The following FKBP14 variants were observed in gnomAD, a reference collection of about 807,000 sequenced individuals.
FKBP14 encodes the protein FKBP prolyl isomerase 14.
Under a neutral mutation model 21.6 loss-of-function variants are expected in FKBP14, and 20 were observed. That is an observed-to-expected ratio of 0.92 (90% CI 0.65 to 1.34). The LOEUF (loss-of-function observed/expected upper bound fraction) is 1.34, where lower values mean the gene tolerates loss of function less well. Among genes scored for constraint, FKBP14 ranks in the 40% most tolerant of loss-of-function variants. The probability of loss-of-function intolerance (pLI) is 0.00; values close to 1 mark genes in which losing one functional copy is unlikely to be tolerated. For synonymous variants in FKBP14, 79 were observed against 86.7 expected, an observed-to-expected ratio of 0.91 and a Z score of 0.49; for missense variants, 253 against 249.0, an observed-to-expected ratio of 1.02 and a Z score of -0.11.
At chr7:30,018,927 A>G in intron 3 of FKBP14, 69 bp downstream of exon 3, 1 of 1,529,268 alleles carries the variant, frequency 6.5e-7, no homozygotes, top group Non-Finnish European at 8.8e-7. Context: ...AGTTACAAAA[A>G]CAAAACAAAA....
intron 1 of FKBP14, among the ~76,000 whole-genome samples, 177 bp from the exon 2 acceptor site, chr7:30,022,993 A>G (rs1790076783): frequency 6.6e-6 from 1 of 152,258 alleles, no homozygotes; most frequent in Admixed American, 6.5e-5. Context: ...AATTCAATTC[A>G]CTGCCCATCT....
chr7:30,024,735 C>T (rs899217229), intron 1 of FKBP14, among the ~76,000 whole-genome samples: 2 of 152,214 alleles, frequency 1.3e-5, no homozygotes, highest in Non-Finnish European at 2.9e-5. Flanking sequence ...CAGTTAGCAG[C>T]TTCTGACCAT....
At chr7:30,017,578 A>C (rs1036599452) in intron 3 of FKBP14, among the ~76,000 whole-genome samples, 1 of 151,960 alleles carries the variant, frequency 6.6e-6, no homozygotes, top group Non-Finnish European at 1.5e-5. Flanking sequence ...AAAAAAAAAA[A>C]AACAGTAAAT....
At position 30,014,784 on chromosome 7, in the gene FKBP14, T is replaced by C. The variant is rs1419685247; in HGVS notation, c.587A>G (p.Asp196Gly). Reference sequence around the variant, plus strand: ...AAATTCTCTGGCAGATATAAACCCATCTTTGTCTTCATCTTCTTTATCAAA... The same window carrying C: ...AAATTCTCTGGCAGATATAAACCCACCTTTGTCTTCATCTTCTTTATCAAA... ...DIFDKEDEDK[D>G]GFISAREFTY... The change falls in exon 4 of 4, where the codon GAT (aspartate) becomes GGT (glycine). Residue 196 changes from aspartate to glycine, a missense_variant. Physicochemically the swap from Asp to Gly is moderately conservative, Grantham distance 94. Transcript: ENST00000222803. 3.7e-6 allele frequency: 6 copies of C among 1,611,620 alleles called. No homozygotes were observed. In the South Asian group the frequency reaches 6.6e-5, roughly 18 times the overall value.
downstream of FKBP14, among the ~76,000 whole-genome samples, chr7:30,006,743 G>T (rs922612253): frequency 1.3e-5 from 2 of 152,104 alleles, no homozygotes; most frequent in Admixed American, 1.3e-4. Flanking sequence ...CAATTATTAT[G>T]AAATCACCAA....
chr7:30,025,988 G>C (rs1266195404), intron 1 of FKBP14, among the ~76,000 whole-genome samples: 1 of 152,154 alleles, frequency 6.6e-6, no homozygotes, highest in Admixed American at 6.6e-5. Context: ...TGAGATATGA[G>C]AATTCTTTTG....
chr7:30,009,722 C>T (rs1562833592), downstream of FKBP14, among the ~76,000 whole-genome samples: 5 of 151,714 alleles, frequency 3.3e-5, no homozygotes, highest in South Asian at 1.0e-3. Flanking sequence ...GGGCGTGGTC[C>T]CTCACGCCTG....
chr7:30,024,270 AAAG>A (rs1453312895), intron 1 of FKBP14, among the ~76,000 whole-genome samples: 2 of 152,202 alleles, frequency 1.3e-5, no homozygotes, highest in Non-Finnish European at 2.9e-5. Flanking sequence ...AGAAATGAAA[AAAG>A]AAGCAGGAAA....
At chr7:30,010,224 G>A (rs1380214418), downstream of FKBP14, among the ~76,000 whole-genome samples, 7 of 152,242 alleles carry the variant, frequency 4.6e-5, no homozygotes, top group East Asian at 7.7e-4. Context: ...ATAAATCAGT[G>A]TGTCCACCTG....
At chr7:30,015,257 T>C (rs1220031592) in intron 3 of FKBP14, among the ~76,000 whole-genome samples, 1 of 151,210 alleles carries the variant, frequency 6.6e-6, no homozygotes, top group African/African-American at 2.4e-5. Flanking sequence ...CCACTAAAAA[T>C]ACAAAAAAAA....
intron 2 of FKBP14, 119 bp downstream of exon 2, chr7:30,022,546 T>C: frequency 1.0e-6 from 1 of 984,408 alleles, no homozygotes; most frequent in South Asian, 1.8e-5. Flanking sequence ...GCTAAAGGAA[T>C]ACATACCCCC....
At chr7:30,025,104 C>T (rs541090273) in intron 1 of FKBP14, among the ~76,000 whole-genome samples, 1 of 152,246 alleles carries the variant, frequency 6.6e-6, no homozygotes, top group East Asian at 1.9e-4. Context: ...TCTGAATGCC[C>T]AGTAAAGGCA....
In FKBP14 at chr7:30,012,582, C is replaced by T. The variant is rs999738325; in HGVS notation, c.*2153G>A. 3 of 152,156 alleles carry T rather than the reference C, an allele frequency of 2.0e-5. No homozygotes were observed. The highest frequency in any genetic ancestry group is 7.2e-5 in the African/African-American group (3 of 41,438). 9.4% of individuals were successfully genotyped at this position (152,156 alleles called of 1,614,324 possible). ...TATGTTTTACTGAGGAAAATGTCAA[C>T]ATATAATCAGTGAAAGTGGTCTACA... On this transcript the variant is annotated 3_prime_UTR_variant, in exon 4 of 4. Coordinates refer to ENST00000222803, the MANE Select transcript of FKBP14 (RefSeq NM_017946.4).
intron 2 of FKBP14, 41 bp downstream of exon 2, chr7:30,022,624 A>G: frequency 6.3e-7 from 1 of 1,576,920 alleles, no homozygotes; most frequent in Non-Finnish European, 8.6e-7. Context: ...CCAGAGAACA[A>G]CTCTAGTGCT....
rs1307415893 is a variant in FKBP14, at chr7:30,011,987, C to G, written c.*2748G>C. ...CTACATGATTCAGAACAGCAACATGCTGTAGCCTAGGAGCAATAGGCTATA... is the reference window on the plus strand; with the variant it reads ...CTACATGATTCAGAACAGCAACATGGTGTAGCCTAGGAGCAATAGGCTATA... On this transcript the variant is annotated 3_prime_UTR_variant, in exon 4 of 4. Transcript: ENST00000222803. 1 of 152,222 alleles carries G rather than the reference C, an allele frequency of 6.6e-6. No individual in the cohort carries two copies. The highest frequency in any genetic ancestry group is 1.5e-5 in the Non-Finnish European group (1 of 68,048). The allele number at this position is 152,222 out of a possible 1,614,324, so 9.4% of individuals were successfully genotyped here. A position where few individuals can be genotyped will look rare whatever the true frequency, so the allele number is the denominator to read the frequency against.
rs1789706282 is a variant in FKBP14, at chr7:30,010,927, G to GT, written c.*3807dup. ...ATTTTTGTACAGCTATGCAATGTGT[G>GT]TTTTAAGCTACGTTATTACTAGAAG... On this transcript the variant is annotated 3_prime_UTR_variant, in exon 4 of 4. Coordinates refer to ENST00000222803, the MANE Select transcript of FKBP14 (RefSeq NM_017946.4). The GT allele has an allele frequency of 6.6e-6, 1 of 152,084 alleles. No homozygotes were observed. Among genetic ancestry groups the GT allele is most frequent in the Non-Finnish European group, 1.5e-5 (1 of 68,026 alleles). The allele number at this position is 152,084 out of a possible 1,614,324, so 9.4% of individuals were successfully genotyped here.
downstream of FKBP14, among the ~76,000 whole-genome samples, chr7:30,010,301 C>T (rs770613905): frequency 7.9e-5 from 12 of 152,092 alleles, no homozygotes; most frequent in South Asian, 1.0e-3. Context: ...TCCTCCCCCT[C>T]GAAAAACCAA....
downstream of FKBP14, chr7:30,010,469 C>T (rs1789695241): frequency 6.6e-6 from 1 of 152,198 alleles, no homozygotes; most frequent in South Asian, 2.1e-4. Context: ...CACTGTACCC[C>T]TCTCCTTCCA....
At chr7:30,010,039 A>C (rs1789686056), downstream of FKBP14, among the ~76,000 whole-genome samples, 1 of 152,108 alleles carries the variant, frequency 6.6e-6, no homozygotes, top group East Asian at 1.9e-4. Flanking sequence ...AAATATAAGC[A>C]ATATCCCACA....
Sources: gnomAD v4.1 joint callset for allele counts (sites outside exome capture counted in the v4.1 genomes callset) on GRCh38, gnomAD v4.1.1 for gene constraint, MANE v1.5 for transcripts, NCBI Gene and HGNC (gene_info 2026-07-23, HGNC 2026-07-21) for gene names.